SAXO1: variants seen among roughly 807,000 people sequenced by gnomAD.
The protein encoded by SAXO1 is 4930500O09Rik.
In SAXO1, 21 loss-of-function variants were observed where a neutral mutation model predicts 17.5. The ratio of observed to expected loss-of-function variants is 1.20; its 90% CI spans 0.85 to 1.72. The LOEUF (loss-of-function observed/expected upper bound fraction) is 1.72, where lower values mean the gene tolerates loss of function less well. Among genes scored for constraint, SAXO1 ranks in the 40% most tolerant of loss-of-function variants. The probability of loss-of-function intolerance (pLI) is 0.00; values close to 1 mark genes in which losing one functional copy is unlikely to be tolerated. For missense variants in SAXO1, 843 were observed against 596.0 expected (o/e 1.41, Z -4.32); for synonymous variants, 274 against 216.5 (o/e 1.27, Z -2.33).
At chr9:19,004,770 G>C (rs1025129719) in intron 1 of SAXO1, among the ~76,000 whole-genome samples, 1 of 152,164 alleles carries the variant, frequency 6.6e-6, no homozygotes, top group Admixed American at 6.5e-5. Context: ...TAATGTAAAC[G>C]ATGAGTTGAT....
At chr9:18,999,127 G>A (rs1445877478) in intron 1 of SAXO1, among the ~76,000 whole-genome samples, 1 of 152,194 alleles carries the variant, frequency 6.6e-6, no homozygotes, top group Non-Finnish European at 1.5e-5. Flanking sequence ...AATGTAAATG[G>A]GCTAAATGCT....
chr9:18,981,392 G>A (rs1833378506), intron 1 of SAXO1, among the ~76,000 whole-genome samples: 1 of 152,184 alleles, frequency 6.6e-6, no homozygotes, highest in Non-Finnish European at 1.5e-5. Context: ...TCATACGTGT[G>A]GTTGGTGGCA....
At chr9:18,930,272 G>C (rs1322070146) in intron 3 of SAXO1, among the ~76,000 whole-genome samples, 2 of 152,206 alleles carry the variant, frequency 1.3e-5, no homozygotes, top group African/African-American at 4.8e-5. Context: ...CCTCTGCTGT[G>C]GGGCTGGAAT....
chr9:19,001,080 C>A (rs933579672), intron 1 of SAXO1, among the ~76,000 whole-genome samples: 1 of 152,138 alleles, frequency 6.6e-6, no homozygotes. Flanking sequence ...CAGCTCTGGA[C>A]CAAGCAGACC....
At position 19,033,126 on chromosome 9, in the gene SAXO1, C is replaced by T. The variant is rs73435306; in HGVS notation, c.-218G>A. ...GCGAGGTAGCAGCAGGGGGCTTGCA[C>T]GCGCGCCAGCCCGGGAGACCTCACC... On this transcript the variant is annotated 5_prime_UTR_variant, in exon 1 of 4. The change creates a new upstream start codon in the 5' untranslated region. Coordinates refer to ENST00000380534, the MANE Select transcript of SAXO1 (RefSeq NM_153707.4). 3,301 of 488,180 alleles carry T rather than the reference C, an allele frequency of 6.8e-3. 105 individuals carry two copies. The highest frequency in any genetic ancestry group is 0.058 in the African/African-American group (2,904 of 50,378). The allele number at this position is 488,180 out of a possible 1,614,324, so 30.2% of individuals were successfully genotyped here.
At chr9:18,977,982 T>A (rs1482166682) in intron 1 of SAXO1, among the ~76,000 whole-genome samples, 1 of 112,518 alleles carries the variant, frequency 8.9e-6, no homozygotes, top group Admixed American at 1.2e-4. Context: ...GGTAAGAGAA[T>A]GAGACCCTGC....
At chr9:19,034,709 G>C (rs1222503996), upstream of SAXO1, among the ~76,000 whole-genome samples, 1 of 152,202 alleles carries the variant, frequency 6.6e-6, no homozygotes, top group Non-Finnish European at 1.5e-5. Flanking sequence ...CTCTACAGGG[G>C]AGGATGGAAA....
At chr9:18,996,150 A>C (rs762457365) in intron 1 of SAXO1, among the ~76,000 whole-genome samples, 3 of 152,194 alleles carry the variant, frequency 2.0e-5, no homozygotes, top group Non-Finnish European at 2.9e-5. Flanking sequence ...AAATCATTTA[A>C]TGAATCCCCA....
At chr9:18,972,630 A>T (rs1832989167) in intron 1 of SAXO1, among the ~76,000 whole-genome samples, 1 of 152,188 alleles carries the variant, frequency 6.6e-6, no homozygotes, top group African/African-American at 2.4e-5. Context: ...ACCCTCATAG[A>T]ACCAGATCAG....
intron 1 of SAXO1, among the ~76,000 whole-genome samples, chr9:19,032,634 C>T (rs1479526967): frequency 6.6e-6 from 1 of 152,162 alleles, no homozygotes; most frequent in East Asian, 1.9e-4. Flanking sequence ...CCATTTTCAA[C>T]CCTCCTGCAG....
intron 1 of SAXO1, among the ~76,000 whole-genome samples, chr9:18,990,896 C>T (rs1055293441): frequency 1.3e-5 from 2 of 152,158 alleles, no homozygotes; most frequent in African/African-American, 4.8e-5. Flanking sequence ...AAGCTCAGGG[C>T]TCCCATTGAT....
chr9:19,010,479 A>G (rs74955813), intron 1 of SAXO1, among the ~76,000 whole-genome samples: 2 of 122,116 alleles, frequency 1.6e-5, no homozygotes, highest in Admixed American at 1.5e-4. Flanking sequence ...TATTTCTAGG[A>G]AAAAAAAAAA....
intron 1 of SAXO1, among the ~76,000 whole-genome samples, chr9:18,979,471 G>A (rs969904169): frequency 6.6e-6 from 1 of 152,206 alleles, no homozygotes; most frequent in African/African-American, 2.4e-5. Context: ...TGTGCAAAGA[G>A]AAGGATTTGA....
chr9:18,960,227 G>C (rs748483071), intron 1 of SAXO1, among the ~76,000 whole-genome samples: 1 of 152,168 alleles, frequency 6.6e-6, no homozygotes, highest in Non-Finnish European at 1.5e-5. Flanking sequence ...CCTGGGACGC[G>C]TGGGGTAGGA....
chr9:18,970,069 CTTACTAAGCTTGCAAGTGGATG>C (rs1368996784), intron 1 of SAXO1, among the ~76,000 whole-genome samples: 1 of 152,172 alleles, frequency 6.6e-6, no homozygotes, highest in Non-Finnish European at 1.5e-5. Context: ...TGGCCTCTGC[CTTACTAAGCTTGCAAGTGGATG>C]GGACCCAGTG....
chr9:18,949,046 T>C (rs1831916993), intron 2 of SAXO1, among the ~76,000 whole-genome samples: 1 of 152,176 alleles, frequency 6.6e-6, no homozygotes, highest in Admixed American at 6.5e-5. Context: ...TCAGAAATGG[T>C]TCACACTTCT....
At chr9:19,007,785 G>T (rs1023300141) in intron 1 of SAXO1, among the ~76,000 whole-genome samples, 4 of 152,180 alleles carry the variant, frequency 2.6e-5, no homozygotes, top group African/African-American at 7.2e-5. Flanking sequence ...AATTAACAGG[G>T]ATATTTCACG....
intron 1 of SAXO1, among the ~76,000 whole-genome samples, chr9:19,026,163 C>T (rs916265635): frequency 6.6e-6 from 1 of 152,110 alleles, no homozygotes; most frequent in African/African-American, 2.4e-5. Flanking sequence ...ATGCTAATTA[C>T]CCTAATTTGA....
intron 2 of SAXO1, among the ~76,000 whole-genome samples, chr9:18,946,762 G>T (rs1406329964): frequency 6.6e-6 from 1 of 152,132 alleles, no homozygotes; most frequent in African/African-American, 2.4e-5. Context: ...GCAAAGTAAG[G>T]CCATAATGAA....
Sources: allele counts gnomAD v4.1 joint callset (sites outside exome capture counted in the v4.1 genomes callset), GRCh38; gene constraint gnomAD v4.1.1; transcripts MANE v1.5; gene names NCBI Gene and HGNC (gene_info 2026-07-23, HGNC 2026-07-21).